Variants in CERS6 observed in about 807,000 individuals in gnomAD.
CERS6 encodes the protein LAG1 homolog, ceramide synthase 6.
Under a neutral mutation model 56.8 loss-of-function variants are expected in CERS6, and 26 were observed. The ratio of observed to expected loss-of-function variants is 0.46; its 90% CI spans 0.34 to 0.63. CERS6 has a LOEUF of 0.63. Ranked by LOEUF, CERS6 falls within the 30% of genes least tolerant of loss-of-function variation. The probability of loss-of-function intolerance (pLI) is 0.01; values close to 1 mark genes in which losing one functional copy is unlikely to be tolerated. For missense variants in CERS6, 415 were observed against 467.5 expected, an observed-to-expected ratio of 0.89 and a Z score of 1.04; for synonymous variants, 164 against 173.3, an observed-to-expected ratio of 0.95 and a Z score of 0.42.
At chr2:168,686,573 G>A (rs1686359557) in intron 4 of CERS6, among the ~76,000 whole-genome samples, 1 of 152,042 alleles carries the variant, frequency 6.6e-6, no homozygotes, top group African/African-American at 2.4e-5. Context: ...GTAGATTACA[G>A]GATTTGGAGG....
At chr2:168,761,053 G>A (rs143437453) in intron 8 of CERS6, among the ~76,000 whole-genome samples, 2 of 152,124 alleles carry the variant, frequency 1.3e-5, no homozygotes, top group Admixed American at 6.5e-5. Flanking sequence ...CACCGCGCCC[G>A]GCCGGGTTTA....
chr2:168,479,959 A>C (rs1465571228), intron 1 of CERS6, among the ~76,000 whole-genome samples: 1 of 152,202 alleles, frequency 6.6e-6, no homozygotes, highest in East Asian at 1.9e-4. Context: ...CAAAGGTCTT[A>C]CATTTGAATT....
rs544094410 is a variant in CERS6, at chr2:168,744,314, T to A, written c.846-21278T>A. ...AGCCACCGTTCCCGGCCTGTTACTG[T>A]TTTCTGGTTAGGAATCATTCTTTAT... On this transcript the variant is annotated intron_variant, in intron 8 of 9. Transcript: ENST00000305747. 1.6e-4 allele frequency among the ~76,000 whole-genome samples: 25 copies of A among 152,228 alleles called. No individual in the cohort carries two copies. The South Asian group carries it at 5.0e-3, about 30-fold the overall frequency.
At position 168,456,381 on chromosome 2, in the gene CERS6, C is replaced by T; in HGVS notation, c.-68C>T. ...TCGGGGCCAGCCGGGCGCGCATCCC[C>T]GGGCGCCCTGCGCGGTGGAGAGCTT... On this transcript the variant is annotated 5_prime_UTR_variant, in exon 1 of 10. Transcript: ENST00000305747. This position sits in a 1 kb window ranked among gnomAD's most constrained non-coding sequence, Gnocchi z 4.1. The T allele has an allele frequency of 3.0e-6, 4 of 1,317,482 alleles. No homozygotes were observed. Among genetic ancestry groups the T allele is most frequent in the Admixed American group, 2.5e-5 (1 of 40,196 alleles). 81.6% of individuals were successfully genotyped at this position (1,317,482 alleles called of 1,614,324 possible). A position where few individuals can be genotyped will look rare whatever the true frequency, so the allele number is the denominator to read the frequency against.
At chr2:168,726,327 A>G (rs1273246971) in intron 8 of CERS6, among the ~76,000 whole-genome samples, 1 of 152,196 alleles carries the variant, frequency 6.6e-6, no homozygotes. Context: ...TCCTTTCTAC[A>G]ATACAATATT....
chr2:168,549,561 G>T (rs962008870), intron 2 of CERS6, among the ~76,000 whole-genome samples: 2 of 152,200 alleles, frequency 1.3e-5, no homozygotes, highest in African/African-American at 4.8e-5. Context: ...CTTGAACCCA[G>T]GAGGCGGAGG....
chr2:168,630,876 T>G, intron 3 of CERS6, 109 bp from the exon 4 acceptor site: 1 of 502,118 alleles, frequency 2.0e-6, no homozygotes, highest in Non-Finnish European at 3.6e-6. Context: ...TTAGTTGAGG[T>G]AGGGGGACAA....
chr2:168,696,690 C>T (rs1274775438), intron 6 of CERS6, among the ~76,000 whole-genome samples: 2 of 152,196 alleles, frequency 1.3e-5, no homozygotes, highest in African/African-American at 4.8e-5. Context: ...ACTGTGTCCT[C>T]ACATGGTGGA....
At chr2:168,679,471 A>G (rs2105348771) in intron 4 of CERS6, among the ~76,000 whole-genome samples, 1 of 152,358 alleles carries the variant, frequency 6.6e-6, no homozygotes, top group Non-Finnish European at 1.5e-5. Flanking sequence ...TAAAAAATAA[A>G]GAGACTGTAT....
chr2:168,721,939 G>A (rs142008973), intron 8 of CERS6, among the ~76,000 whole-genome samples: 1 of 152,278 alleles, frequency 6.6e-6, no homozygotes, highest in African/African-American at 2.4e-5. Context: ...CTTTTACAGA[G>A]TTGCAGCACT....
intron 2 of CERS6, among the ~76,000 whole-genome samples, chr2:168,550,845 C>T (rs1013168590): frequency 1.3e-5 from 2 of 152,190 alleles, no homozygotes; most frequent in Non-Finnish European, 2.9e-5. Flanking sequence ...GAAACTCGAT[C>T]CCCCACTCTC....
intron 4 of CERS6, among the ~76,000 whole-genome samples, chr2:168,642,086 C>T (rs1441711728): frequency 6.8e-6 from 1 of 147,922 alleles, no homozygotes; most frequent in Non-Finnish European, 1.5e-5. Context: ...AAATGATCTA[C>T]TGTAGGCAGG....
At chr2:168,481,066 C>T (rs1038873819) in intron 1 of CERS6, among the ~76,000 whole-genome samples, 4 of 152,138 alleles carry the variant, frequency 2.6e-5, no homozygotes, top group South Asian at 4.1e-4. Flanking sequence ...GGGCTTGACT[C>T]GCAGAGAGGC....
intron 4 of CERS6, among the ~76,000 whole-genome samples, chr2:168,647,489 A>G (rs1685233803): frequency 1.3e-5 from 2 of 152,162 alleles, no homozygotes; most frequent in South Asian, 2.1e-4. Flanking sequence ...CTCTTTTCCT[A>G]TTTGGATGCC....
intron 8 of CERS6, among the ~76,000 whole-genome samples, chr2:168,741,935 A>G (rs556666655): frequency 6.6e-6 from 1 of 152,308 alleles, no homozygotes; most frequent in East Asian, 1.9e-4. Flanking sequence ...CATTTCAAAA[A>G]ATGAGCATGT....
chr2:168,496,601 C>A (rs898726459), intron 1 of CERS6, among the ~76,000 whole-genome samples: 2 of 152,124 alleles, frequency 1.3e-5, no homozygotes, highest in African/African-American at 4.8e-5. Flanking sequence ...CACTTTCTTA[C>A]CTGCCTACTC....
intron 3 of CERS6, among the ~76,000 whole-genome samples, chr2:168,580,807 A>G (rs576633709): frequency 1.3e-5 from 2 of 152,186 alleles, no homozygotes; most frequent in East Asian, 3.9e-4. Flanking sequence ...TTTCAGTATA[A>G]TGATTATATC....
intron 3 of CERS6, among the ~76,000 whole-genome samples, chr2:168,610,831 A>G (rs1035576134): frequency 7.2e-5 from 11 of 152,086 alleles, no homozygotes; most frequent in African/African-American, 2.7e-4. Context: ...TTTTTGAGTC[A>G]GAGTCTTGCC....
chr2:168,702,807 G>C (rs1686837457), intron 6 of CERS6, among the ~76,000 whole-genome samples: 1 of 152,136 alleles, frequency 6.6e-6, no homozygotes. Context: ...TGCCAAAGAA[G>C]AATATCCATA....
Sources: allele counts gnomAD v4.1 joint callset (sites outside exome capture counted in the v4.1 genomes callset), GRCh38; gene constraint gnomAD v4.1.1; non-coding constraint Gnocchi (gnomAD v3.1); transcripts MANE v1.5; gene names NCBI Gene and HGNC (gene_info 2026-07-23, HGNC 2026-07-21).